The following CSMD1 variants were observed in gnomAD, a reference collection of about 807,000 sequenced individuals.
CSMD1 encodes CUB and Sushi multiple domains 1.
In CSMD1, 213 loss-of-function variants were observed where a neutral mutation model predicts 417.5. That is an observed-to-expected ratio of 0.51 (90% CI 0.46 to 0.57). The LOEUF is 0.57. Ranked by LOEUF, CSMD1 falls within the 20% of genes least tolerant of loss-of-function variation. The probability of loss-of-function intolerance (pLI) is 0.00; values close to 1 mark genes in which losing one functional copy is unlikely to be tolerated. For synonymous variants in CSMD1, 2,862 were observed against 1,736.8 expected (o/e 1.65, Z -16.11); for missense variants, 6,923 against 4,529.7 (o/e 1.53, Z -15.17).
intron 7 of CSMD1, among the ~76,000 whole-genome samples, chr8:3,641,285 C>G (rs562662300): frequency 3.5e-4 from 54 of 152,168 alleles, no homozygotes; most frequent in Non-Finnish European, 5.6e-4. Context: ...GGCAGTGATT[C>G]CCAGCCTCCT....
At chr8:4,623,354 A>G (rs1055605322) in intron 2 of CSMD1, among the ~76,000 whole-genome samples, 4 of 152,204 alleles carry the variant, frequency 2.6e-5, no homozygotes, top group African/African-American at 9.6e-5. Flanking sequence ...TAGCAAAAAC[A>G]TACAACAACT....
At chr8:4,225,275 A>G (rs552760245) in intron 3 of CSMD1, among the ~76,000 whole-genome samples, 2 of 152,302 alleles carry the variant, frequency 1.3e-5, no homozygotes, top group East Asian at 3.9e-4. Flanking sequence ...AATAGAAAAA[A>G]ATATTATTTA....
chr8:4,493,681 T>G (rs1801837758), intron 2 of CSMD1, among the ~76,000 whole-genome samples: 1 of 151,930 alleles, frequency 6.6e-6, no homozygotes, highest in Non-Finnish European at 1.5e-5. Flanking sequence ...AGTGAGAGAG[T>G]GCAACTCTAC....
intron 3 of CSMD1, among the ~76,000 whole-genome samples, chr8:4,400,937 A>G (rs539238013): frequency 1.5e-3 from 196 of 129,298 alleles, no homozygotes; most frequent in African/African-American, 5.4e-3. Flanking sequence ...CAACTTCACA[A>G]CTTTATTTTA....
At chr8:4,531,833 C>A (rs1047038272) in intron 2 of CSMD1, among the ~76,000 whole-genome samples, 2 of 152,188 alleles carry the variant, frequency 1.3e-5, no homozygotes, top group African/African-American at 2.4e-5. Flanking sequence ...AAACTTTTAT[C>A]ACTTTGAAAA....
intron 3 of CSMD1, among the ~76,000 whole-genome samples, chr8:4,242,030 A>T (rs935399838): frequency 6.6e-6 from 1 of 152,094 alleles, no homozygotes; most frequent in African/African-American, 2.4e-5. Context: ...TTGTTTTAAT[A>T]CCTTTTGACT....
chr8:4,209,371 C>G (rs964350385), intron 3 of CSMD1, among the ~76,000 whole-genome samples: 1 of 152,146 alleles, frequency 6.6e-6, no homozygotes, highest in African/African-American at 2.4e-5. Flanking sequence ...CACATAGATT[C>G]CCATCCTTCT....
At chr8:3,488,185 C>G (rs985891010) in intron 11 of CSMD1, among the ~76,000 whole-genome samples, 4 of 151,976 alleles carry the variant, frequency 2.6e-5, no homozygotes, top group African/African-American at 7.3e-5. Context: ...TCACTGCAGC[C>G]TTGATCTCCT....
chr8:3,058,134 C>G (rs944723243), intron 49 of CSMD1, among the ~76,000 whole-genome samples: 1 of 152,136 alleles, frequency 6.6e-6, no homozygotes, highest in African/African-American at 2.4e-5. Context: ...GAGTCCTATT[C>G]TCATCTGATT....
In CSMD1 at chr8:4,325,219, G is replaced by A. The variant is rs1214878164; in HGVS notation, c.415+94734C>T. On this transcript the variant is annotated intron_variant, in intron 3 of 69. Transcript: ENST00000635120. ...ATGAAAACAGATGATACATTTCCAG[G>A]GATTCCCCTGAACCAGGAATGTGCG... Among the ~76,000 whole-genome samples, 3 of 152,120 alleles carry A rather than the reference G, an allele frequency of 2.0e-5. No individual in the cohort carries two copies. In the East Asian group the frequency reaches 5.8e-4, roughly 29 times the overall value.
intron 2 of CSMD1, among the ~76,000 whole-genome samples, chr8:4,544,319 A>G (rs554483034): frequency 1.3e-5 from 2 of 152,190 alleles, no homozygotes; most frequent in Non-Finnish European, 2.9e-5. Context: ...ATCTAAATTT[A>G]TTTATTTAAT....
At chr8:3,980,263 C>A (rs66591648) in intron 5 of CSMD1, among the ~76,000 whole-genome samples, 2,245 of 152,176 alleles carry the variant, frequency 0.015, 52 homozygotes, top group African/African-American at 0.051. Context: ...AGGGGAAAAG[C>A]TGAACTAGCA....
At chr8:3,227,757 T>G (rs1200553907) in intron 27 of CSMD1, among the ~76,000 whole-genome samples, 1 of 152,040 alleles carries the variant, frequency 6.6e-6, no homozygotes, top group African/African-American at 2.4e-5. Context: ...ATGTTGTCAT[T>G]TTAAAACTTT....
intron 3 of CSMD1, among the ~76,000 whole-genome samples, chr8:4,083,149 C>T (rs534447713): frequency 1.0e-3 from 152 of 152,210 alleles, no homozygotes; most frequent in African/African-American, 3.6e-3. Flanking sequence ...ATGGCTGGGT[C>T]AAATGGTATT....
At chr8:4,221,409 A>G (rs1240799751) in intron 3 of CSMD1, among the ~76,000 whole-genome samples, 3 of 151,884 alleles carry the variant, frequency 2.0e-5, no homozygotes, top group African/African-American at 7.3e-5. Flanking sequence ...CATTGACAGC[A>G]GCAAAACTTG....
Position 3,766,564 on chromosome 8 carries a change from C to T in CSMD1, c.819-12522G>A, listed in dbSNP as rs542893034. 1.5e-3 allele frequency among the ~76,000 whole-genome samples: 231 copies of T among 152,076 alleles called. 1 individual carries two copies. Among genetic ancestry groups the T allele is most frequent in the African/African-American group, 5.4e-3 (222 of 41,494 alleles). On this transcript the variant is annotated intron_variant, in intron 5 of 69. Transcript: ENST00000635120. The stretch of plus-strand genomic sequence containing the variant: ...GCAGTCGGCACTGGCAATGGATATC[C>T]ATATCATATTTTGACTATCAAAAAA...
chr8:4,439,289 C>T (rs1013282646), intron 2 of CSMD1, among the ~76,000 whole-genome samples: 2 of 152,100 alleles, frequency 1.3e-5, no homozygotes, highest in Non-Finnish European at 2.9e-5. Flanking sequence ...AATGACCTTT[C>T]ACTGCTGCCA....
chr8:3,389,287 G>C (rs917565213), intron 17 of CSMD1, among the ~76,000 whole-genome samples: 8 of 152,058 alleles, frequency 5.3e-5, no homozygotes, highest in Admixed American at 3.9e-4. Flanking sequence ...CCCTCTGATA[G>C]GCCCCAGTGT....
chr8:4,729,089 C>G (rs755869841), intron 1 of CSMD1, among the ~76,000 whole-genome samples: 10 of 152,036 alleles, frequency 6.6e-5, no homozygotes, highest in Admixed American at 1.3e-4. Flanking sequence ...ATGTTCAGCC[C>G]TAAATTATTT....
Sources: allele counts gnomAD v4.1 joint callset (sites outside exome capture counted in the v4.1 genomes callset), GRCh38; gene constraint gnomAD v4.1.1; transcripts MANE v1.5; gene names NCBI Gene and HGNC (gene_info 2026-07-23, HGNC 2026-07-21).